Variants in BEAN1 observed in about 807,000 individuals in gnomAD.
BEAN1 encodes protein BEAN1.
Under a neutral mutation model 17.7 loss-of-function variants are expected in BEAN1, and 17 were observed. The observed-to-expected ratio is 0.96, with a 90% CI of 0.66 to 1.44. The LOEUF (loss-of-function observed/expected upper bound fraction) is 1.44, where lower values mean the gene tolerates loss of function less well. BEAN1 is among the 40% of genes most tolerant of loss of function. BEAN1 has a pLI of 0.00. For missense variants in BEAN1, 359 were observed against 374.1 expected (o/e 0.96, Z 0.33); for synonymous variants, 142 against 151.8 (o/e 0.94, Z 0.47).
chr16:66,478,527 G>A (rs930383826), intron 4 of BEAN1, among the ~76,000 whole-genome samples: 20 of 152,284 alleles, frequency 1.3e-4, no homozygotes, highest in African/African-American at 3.6e-4. Context: ...GCTTGAACCC[G>A]GGAGGCGGAG....
Position 66,473,003 on chromosome 16 carries a change from CAGAG to C in BEAN1, c.289+3144_289+3147del, listed in dbSNP as rs370268732. Among the ~76,000 whole-genome samples, 1 of 152,098 alleles carries C rather than the reference CAGAG, an allele frequency of 6.6e-6. No homozygotes were observed. Among genetic ancestry groups the C allele is most frequent in the African/African-American group, 2.4e-5 (1 of 41,412 alleles). On this transcript the variant is annotated intron_variant, in intron 3 of 4. Transcript: ENST00000536005. The surrounding 1 kb of genome is among the most constrained non-coding windows in gnomAD (Gnocchi z 4.5). ...CACTGCATGCCAGCCTGGGTGACAG[CAGAG>C]AGAGACCCTGTCTCTAAAAAAATAA...
intron 2 of BEAN1, among the ~76,000 whole-genome samples, chr16:66,458,272 C>T (rs1962948979): frequency 6.6e-6 from 1 of 152,168 alleles, no homozygotes; most frequent in Admixed American, 6.5e-5. Flanking sequence ...GTGGAGCTGC[C>T]TCCATGCTAC....
chr16:66,438,194 G>T (rs1233534855), intron 2 of BEAN1, among the ~76,000 whole-genome samples: 2 of 152,044 alleles, frequency 1.3e-5, no homozygotes, highest in Non-Finnish European at 2.9e-5. Flanking sequence ...GACCAGCCTG[G>T]CCAACATGGT....
intron 2 of BEAN1, among the ~76,000 whole-genome samples, chr16:66,445,749 C>G (rs181831581): frequency 7.9e-5 from 12 of 152,142 alleles, no homozygotes; most frequent in Admixed American, 6.5e-4. Flanking sequence ...GATGTAGGGT[C>G]TTGGAAGCCG....
At chr16:66,464,326 GA>G (rs1222238077) in intron 2 of BEAN1, among the ~76,000 whole-genome samples, 1 of 152,004 alleles carries the variant, frequency 6.6e-6, no homozygotes, top group Non-Finnish European at 1.5e-5. Flanking sequence ...GGAGTTTTCA[GA>G]ATATAAGTTT....
downstream of BEAN1, chr16:66,484,649 G>C (rs1964059883): frequency 2.2e-6 from 1 of 453,986 alleles, no homozygotes; most frequent in Non-Finnish European, 4.4e-6. The surrounding 1 kb of genome is among the most constrained non-coding windows in gnomAD (Gnocchi z 4.2). Context: ...GTTTGGTTAG[G>C]GAAGTGTTCC....
downstream of BEAN1, among the ~76,000 whole-genome samples, chr16:66,486,211 C>T (rs1415646624): frequency 1.3e-5 from 2 of 152,064 alleles, no homozygotes; most frequent in African/African-American, 4.8e-5. Context: ...GGATTAGGGT[C>T]TCTGTTGTTT....
chr16:66,450,465 C>T (rs1962630606), intron 2 of BEAN1, among the ~76,000 whole-genome samples: 1 of 151,968 alleles, frequency 6.6e-6, no homozygotes, highest in Admixed American at 6.6e-5. Flanking sequence ...CCTGTAATCC[C>T]AGCACTTTGG....
At chr16:66,464,173 G>T (rs1963183849) in intron 2 of BEAN1, among the ~76,000 whole-genome samples, 1 of 152,144 alleles carries the variant, frequency 6.6e-6, no homozygotes, top group African/African-American at 2.4e-5. Context: ...TGCAAGGAAG[G>T]CTGGGACTTT....
At chr16:66,477,972 G>C (rs1475269969) in intron 4 of BEAN1, 1 of 342,874 alleles carries the variant, frequency 2.9e-6, no homozygotes, top group Non-Finnish European at 5.3e-6. Flanking sequence ...AGGCATGCCG[G>C]GAATGCCCCT....
At chr16:66,479,816 G>T (rs1963916084) in intron 4 of BEAN1, among the ~76,000 whole-genome samples, 1 of 152,112 alleles carries the variant, frequency 6.6e-6, no homozygotes, top group African/African-American at 2.4e-5. Context: ...TTGTGGCCAG[G>T]AGGGCCCTGT....
At chr16:66,449,239 C>T (rs907154449) in intron 2 of BEAN1, among the ~76,000 whole-genome samples, 1 of 151,566 alleles carries the variant, frequency 6.6e-6, no homozygotes, top group African/African-American at 2.4e-5. Flanking sequence ...TGCACCACTG[C>T]GCTCCAGCCT....
In BEAN1 at chr16:66,481,553, C is replaced by T. The variant is rs911887289; in HGVS notation, c.*628C>T. ...GGGGACCTGGGTCTGGGGTCTCAGG[C>T]GCAAACTGGAGGCCCTCACAGCCCA... On this transcript the variant is annotated 3_prime_UTR_variant, in exon 5 of 5. Transcript: ENST00000536005. This position sits in a 1 kb window ranked among gnomAD's most constrained non-coding sequence, Gnocchi z 4.1. 6.1e-5 allele frequency: 17 copies of T among 279,076 alleles called. No individual in the cohort carries two copies. The highest frequency in any genetic ancestry group is 9.7e-4 in the Middle Eastern group (1 of 1,030). 17.3% of individuals were successfully genotyped at this position (279,076 alleles called of 1,614,324 possible).
intron 2 of BEAN1, among the ~76,000 whole-genome samples, chr16:66,441,251 T>A (rs72788510): frequency 0.02 from 3,041 of 152,244 alleles, 44 homozygotes; most frequent in South Asian, 0.045. Flanking sequence ...ACAGCCTCCA[T>A]GGCTCACAGA....
chr16:66,433,610 C>A (rs1346891850), intron 1 of BEAN1, among the ~76,000 whole-genome samples: 1 of 152,350 alleles, frequency 6.6e-6, no homozygotes, highest in East Asian at 1.9e-4. Flanking sequence ...CTCCTAGGAA[C>A]CCTCTTGGGG....
intron 2 of BEAN1, among the ~76,000 whole-genome samples, chr16:66,465,508 G>A (rs7498826): frequency 0.15 from 22,292 of 152,122 alleles, 2,016 homozygotes; most frequent in South Asian, 0.24. Context: ...TAAAATATAT[G>A]TAACATAAAA....
chr16:66,462,116 G>A (rs2142417665), intron 2 of BEAN1, among the ~76,000 whole-genome samples: 1 of 152,318 alleles, frequency 6.6e-6, no homozygotes, highest in Middle Eastern at 3.4e-3. Flanking sequence ...AGAAAGTGGT[G>A]GCAGGTATGC....
intron 2 of BEAN1, among the ~76,000 whole-genome samples, chr16:66,458,242 T>C (rs1962947011): frequency 6.6e-6 from 1 of 152,172 alleles, no homozygotes; most frequent in Non-Finnish European, 1.5e-5. Context: ...AGCACTTCCC[T>C]GAACCCAGAC....
rs1212587794 is a variant in BEAN1, at chr16:66,471,123, C to T, written c.289+1258C>T. Reference sequence around the variant, plus strand: ...TTTTTAAAATAGATTGAATTGGATCCGATCAGCCCTGGCCTTTGGGGCCCC... The same window carrying T: ...TTTTTAAAATAGATTGAATTGGATCTGATCAGCCCTGGCCTTTGGGGCCCC... On this transcript the variant is annotated intron_variant, in intron 3 of 4. Transcript: ENST00000536005. The surrounding 1 kb of genome is among the most constrained non-coding windows in gnomAD (Gnocchi z 4.7). 3.3e-5 allele frequency among the ~76,000 whole-genome samples: 5 copies of T among 152,200 alleles called. No individual in the cohort carries two copies. The highest frequency in any genetic ancestry group is 7.2e-5 in the African/African-American group (3 of 41,444).
Sources: gnomAD v4.1 joint callset for allele counts (sites outside exome capture counted in the v4.1 genomes callset) on GRCh38, gnomAD v4.1.1 for gene constraint, Gnocchi (gnomAD v3.1) non-coding constraint, MANE v1.5 for transcripts, NCBI Gene and HGNC (gene_info 2026-07-23, HGNC 2026-07-21) for gene names.